Variants in ANKHD1 observed in about 807,000 individuals in gnomAD.
ANKHD1 encodes the protein ankyrin repeat and KH domain-containing protein 1.
A neutral mutation model predicts 230.5 loss-of-function variants in ANKHD1; 31 were observed. That is an observed-to-expected ratio of 0.13 (90% CI 0.10 to 0.18). The LOEUF (loss-of-function observed/expected upper bound fraction) is 0.18. ANKHD1 is among the 10% of genes least tolerant of loss of function. ANKHD1 has a pLI of 1.00. For synonymous variants in ANKHD1, 1,074 were observed against 1,117.6 expected (o/e 0.96, Z 0.78); for missense variants, 2,256 against 3,071.3 (o/e 0.73, Z 6.27).
intron 15 of ANKHD1, among the ~76,000 whole-genome samples, chr5:140,503,553 CTTTTTTTTT>C (rs70988767): frequency 6.8e-4 from 35 of 51,414 alleles, no homozygotes; most frequent in Middle Eastern, 0.053. Context: ...AGTTTTCTTT[CTTTTTTTTT>C]TTTTTTTTTT....
At position 140,500,523 on chromosome 5, in the gene ANKHD1, C is replaced by G. The variant is rs1158607630; in HGVS notation, c.3004+3245C>G. ...ATTAGCCAGGCGTGGTGGTGCATGC[C>G]TGTAATCCCAGCTACTTGGGGGGCT... On this transcript the variant is annotated intron_variant, in intron 15 of 33. Transcript: ENST00000360839. 3.3e-5 allele frequency among the ~76,000 whole-genome samples: 5 copies of G among 151,742 alleles called. No individual in the cohort carries two copies. In the East Asian group the frequency reaches 9.7e-4, roughly 29 times the overall value.
chr5:140,417,366 T>C (rs889048642), intron 1 of ANKHD1, among the ~76,000 whole-genome samples: 1 of 151,770 alleles, frequency 6.6e-6, no homozygotes, highest in South Asian at 2.1e-4. Flanking sequence ...GGATACATTC[T>C]CTTTTTTTTT....
rs761442917 is a variant in ANKHD1, at chr5:140,506,821, A to G, written c.3409-14A>G. 1.5e-5 allele frequency: 25 copies of G among 1,613,688 alleles called. No individual in the cohort carries two copies. In the East Asian group the frequency reaches 4.2e-4, roughly 27 times the overall value. ...GGTGTAAACTCTCTTCTCTATCCAT[A>G]TTTTACTTTGTAGGTGGTAGACTTG... is the stretch of plus-strand genomic sequence containing the variant. On this transcript the variant is annotated splice_polypyrimidine_tract_variant and intron_variant, in intron 18 of 33. Coordinates refer to ENST00000360839, the MANE Select transcript of ANKHD1 (RefSeq NM_017747.3). The surrounding 1 kb of genome is among the most constrained non-coding windows in gnomAD (Gnocchi z 4.7).
chr5:140,438,848 C>G (rs1773641635), intron 3 of ANKHD1, among the ~76,000 whole-genome samples: 1 of 152,180 alleles, frequency 6.6e-6, no homozygotes, highest in African/African-American at 2.4e-5. Flanking sequence ...ATGTATTACA[C>G]TAGAGTCTCT....
At chr5:140,483,623 A>T (rs556002815) in intron 11 of ANKHD1, among the ~76,000 whole-genome samples, 1 of 152,020 alleles carries the variant, frequency 6.6e-6, no homozygotes, top group Non-Finnish European at 1.5e-5. Context: ...ATGCACGGCT[A>T]ATTTTGTATT....
In ANKHD1 at chr5:140,508,141, A is replaced by G. The variant is rs111650745; in HGVS notation, c.3765+143A>G. On this transcript the variant is annotated intron_variant, in intron 20 of 33. Coordinates refer to ENST00000360839, the MANE Select transcript of ANKHD1 (RefSeq NM_017747.3). ...CAGAGTTGAGGGATTATGCTGTATA[A>G]TAGTGAGTGACATACTGTCACCATC... 5,221 of 1,164,140 alleles carry G rather than the reference A, an allele frequency of 4.5e-3. 174 individuals are homozygous for G. The African/African-American group carries it at 0.071, about 16-fold the overall frequency. The allele number at this position is 1,164,140 out of a possible 1,614,324, so 72.1% of individuals were successfully genotyped here. A position where few individuals can be genotyped will look rare whatever the true frequency, so the allele number is the denominator to read the frequency against.
chr5:140,531,728 A>G (rs917587110), intron 29 of ANKHD1, among the ~76,000 whole-genome samples: 5 of 152,206 alleles, frequency 3.3e-5, no homozygotes, highest in Non-Finnish European at 7.3e-5. Flanking sequence ...GTTAAGAGTG[A>G]TCATATGATC....
intron 5 of ANKHD1, among the ~76,000 whole-genome samples, chr5:140,445,334 G>A (rs1384633504): frequency 6.6e-6 from 1 of 152,138 alleles, no homozygotes; most frequent in Non-Finnish European, 1.5e-5. Flanking sequence ...GTGAAACCCT[G>A]TCTCTCCTAA....
At chr5:140,430,859 C>G (rs1429582648) in intron 1 of ANKHD1, among the ~76,000 whole-genome samples, 1 of 151,908 alleles carries the variant, frequency 6.6e-6, no homozygotes, top group Non-Finnish European at 1.5e-5. Flanking sequence ...GAGACAAGGT[C>G]TCACTATGTT....
intron 1 of ANKHD1, among the ~76,000 whole-genome samples, chr5:140,434,111 A>C: frequency 6.6e-6 from 1 of 152,150 alleles, no homozygotes; most frequent in East Asian, 1.9e-4. Context: ...TTTTAACTTT[A>C]CTGTCTTTAT....
In ANKHD1 at chr5:140,418,150, T is replaced by C. The variant is rs1313030949; in HGVS notation, c.306+15877T>C. On this transcript the variant is annotated intron_variant, in intron 1 of 33. Coordinates refer to ENST00000360839, the MANE Select transcript of ANKHD1 (RefSeq NM_017747.3). ...AGCCACCGGGTCCAGCCTTCTTTTT[T>C]TTTTTTTTTTTTTTGAGATAGGATC... Among the ~76,000 whole-genome samples the C allele has an allele frequency of 2.7e-5, 4 of 149,574 alleles. No homozygotes were observed. The East Asian group carries it at 7.7e-4, about 29-fold the overall frequency.
At chr5:140,463,354 A>G (rs970938413) in intron 9 of ANKHD1, among the ~76,000 whole-genome samples, 1 of 152,070 alleles carries the variant, frequency 6.6e-6, no homozygotes, top group Non-Finnish European at 1.5e-5. Context: ...TTGCTTTCTC[A>G]TATGGCAAAG....
intron 24 of ANKHD1, among the ~76,000 whole-genome samples, chr5:140,522,861 C>A (rs944662652): frequency 2.0e-5 from 3 of 152,080 alleles, no homozygotes; most frequent in Admixed American, 1.3e-4. Context: ...TTGTAGCCAT[C>A]CTAGTGGGTG....
chr5:140,406,416 A>G (rs535552637), intron 1 of ANKHD1, among the ~76,000 whole-genome samples: 3 of 152,100 alleles, frequency 2.0e-5, no homozygotes, highest in Non-Finnish European at 4.4e-5. Context: ...GGTCTTCTAC[A>G]TTTTGTGTAC....
At chr5:140,488,374 C>G (rs1284852859) in intron 14 of ANKHD1, among the ~76,000 whole-genome samples, 1 of 151,996 alleles carries the variant, frequency 6.6e-6, no homozygotes, top group African/African-American at 2.4e-5. Context: ...CATCTGAGGT[C>G]AGGAGTTCAA....
In ANKHD1 at chr5:140,507,079, G is replaced by C; in HGVS notation, c.3551+102G>C. Reference sequence around the variant, plus strand: ...GACAGATACATTTTAAATTAAGATAGTACTAAAGTTGCAAAGCCAACGATT... The same window carrying C: ...GACAGATACATTTTAAATTAAGATACTACTAAAGTTGCAAAGCCAACGATT... On this transcript the variant is annotated intron_variant, in intron 19 of 33. Coordinates refer to ENST00000360839, the MANE Select transcript of ANKHD1 (RefSeq NM_017747.3). The surrounding 1 kb of genome is among the most constrained non-coding windows in gnomAD (Gnocchi z 4.1). The C allele has an allele frequency of 6.6e-7, 1 of 1,505,096 alleles. No individual in the cohort carries two copies. The highest frequency in any genetic ancestry group is 2.3e-5 in the East Asian group (1 of 43,788). 93.2% of individuals were successfully genotyped at this position (1,505,096 alleles called of 1,614,324 possible). A position where few individuals can be genotyped will look rare whatever the true frequency, so the allele number is the denominator to read the frequency against.
chr5:140,438,727 A>C, intron 3 of ANKHD1, 110 bp downstream of exon 3: 2 of 1,373,762 alleles, frequency 1.5e-6, no homozygotes, highest in Non-Finnish European at 1.9e-6. Flanking sequence ...ACTTTAGCTG[A>C]AAGGATATTA....
chr5:140,472,361 T>G (rs1453992115), intron 10 of ANKHD1: 3 of 1,582,020 alleles, frequency 1.9e-6, no homozygotes, highest in Non-Finnish European at 2.6e-6. Context: ...TAACCAGAAC[T>G]CTGGATATCT....
chr5:140,485,427 C>CACACACACACACAA lies in ANKHD1; in HGVS notation c.1999-162_1999-161insACACACACACACAA, dbSNP rs1554090723. Among the ~76,000 whole-genome samples, 1 of 146,550 alleles carries CACACACACACACAA rather than the reference C, an allele frequency of 6.8e-6. No homozygotes were observed. The highest frequency in any genetic ancestry group is 1.5e-5 in the Non-Finnish European group (1 of 65,424). ...ACACACACACACACACACACACACA[C>CACACACACACACAA]GTATGTATGTGTATATATATATAAA... On this transcript the variant is annotated intron_variant, in intron 12 of 33. Transcript: ENST00000360839. The surrounding 1 kb of genome is among the most constrained non-coding windows in gnomAD (Gnocchi z 4.8).
Sources: gnomAD v4.1 joint callset for allele counts (sites outside exome capture counted in the v4.1 genomes callset) on GRCh38, gnomAD v4.1.1 for gene constraint, Gnocchi (gnomAD v3.1) non-coding constraint, MANE v1.5 for transcripts, NCBI Gene and HGNC (gene_info 2026-07-23, HGNC 2026-07-21) for gene names.